The following SMOC2 variants were observed in gnomAD, a reference collection of about 807,000 sequenced individuals.
SMOC2 encodes the protein SPARC related modular calcium binding 2.
A neutral mutation model predicts 61.4 loss-of-function variants in SMOC2; 39 were observed. The observed-to-expected ratio is 0.64, with a 90% CI of 0.49 to 0.83. The LOEUF (loss-of-function observed/expected upper bound fraction) is 0.83, where lower values mean the gene tolerates loss of function less well. Ranked by LOEUF, SMOC2 falls within the 40% of genes least tolerant of loss-of-function variation. The probability of loss-of-function intolerance (pLI) is 0.00; values close to 1 mark genes in which losing one functional copy is unlikely to be tolerated. For missense variants in SMOC2, 556 were observed against 592.9 expected (o/e 0.94, Z 0.65); for synonymous variants, 247 against 239.9 (o/e 1.03, Z -0.27).
intron 8 of SMOC2, among the ~76,000 whole-genome samples, chr6:168,603,437 C>T (rs1785608309): frequency 6.6e-6 from 1 of 151,986 alleles, no homozygotes; most frequent in Admixed American, 6.6e-5. Context: ...CCCTGGGAAG[C>T]TGCTGGGACA....
intron 8 of SMOC2, among the ~76,000 whole-genome samples, chr6:168,607,013 C>T (rs1562377818): frequency 6.6e-6 from 1 of 152,000 alleles, no homozygotes; most frequent in Non-Finnish European, 1.5e-5. Context: ...TTGGTGTGGG[C>T]TGTCTGGGGT....
chr6:168,554,543 G>A (rs776799461), intron 7 of SMOC2, among the ~76,000 whole-genome samples: 8 of 152,204 alleles, frequency 5.3e-5, no homozygotes, highest in Non-Finnish European at 1.2e-4. Context: ...GGAGGGGCAC[G>A]GAGGCCCCCC....
intron 1 of SMOC2, among the ~76,000 whole-genome samples, chr6:168,449,436 A>G (rs943726668): frequency 3.9e-5 from 6 of 152,192 alleles, no homozygotes; most frequent in African/African-American, 1.4e-4. Context: ...AACAAAGGAA[A>G]TTCCATATGT....
At chr6:168,627,525 A>G (rs1275848816) in intron 9 of SMOC2, among the ~76,000 whole-genome samples, 1 of 152,224 alleles carries the variant, frequency 6.6e-6, no homozygotes, top group Non-Finnish European at 1.5e-5. Flanking sequence ...ACAACTGAGA[A>G]CTACAAAATC....
intron 4 of SMOC2, among the ~76,000 whole-genome samples, chr6:168,528,262 T>TTAA (rs1783501474): frequency 1.1e-5 from 1 of 90,610 alleles, no homozygotes; most frequent in Non-Finnish European, 2.9e-5. Context: ...CTCTTTCCCA[T>TTAA]TAGTGTTTTT....
intron 1 of SMOC2, among the ~76,000 whole-genome samples, chr6:168,509,489 C>CCA (rs1562561889): frequency 6.6e-6 from 1 of 152,136 alleles, no homozygotes; most frequent in African/African-American, 2.4e-5. Context: ...AGATAGTGGA[C>CCA]ATTCCTGATA....
intron 9 of SMOC2, 121 bp downstream of exon 9, chr6:168,608,360 GCCTCCTA>G (rs1785767487): frequency 1.8e-6 from 2 of 1,104,020 alleles, no homozygotes; most frequent in Admixed American, 4.6e-5. Flanking sequence ...TGACTCTGAG[GCCTCCTA>G]CCTCCTTGCA....
chr6:168,548,351 CT>C lies in SMOC2; in HGVS notation c.563-760del, dbSNP rs758386557. On this transcript the variant is annotated intron_variant, in intron 6 of 12. Transcript: ENST00000356284. ...ACTAACGGTGACCTGCACTACATTC[CT>C]TTTTTTTTTTTTTTTTTGTGAGACA... Among the ~76,000 whole-genome samples the C allele has an allele frequency of 2.5e-3, 319 of 127,156 alleles. 2 individuals are homozygous for C. The highest frequency in any genetic ancestry group is 4.4e-3 in the Admixed American group (55 of 12,506). The allele number at this position is 127,156 out of a possible 152,430, so 83.4% of individuals were successfully genotyped here.
chr6:168,666,201 T>C (rs901640931), intron 12 of SMOC2, among the ~76,000 whole-genome samples: 2 of 152,166 alleles, frequency 1.3e-5, no homozygotes, highest in Non-Finnish European at 2.9e-5. Flanking sequence ...TTTGAAACGA[T>C]ATATTTTTCC....
chr6:168,588,638 G>A lies in SMOC2; in HGVS notation c.638-10180G>A, dbSNP rs189868024. Among the ~76,000 whole-genome samples the A allele has an allele frequency of 1.4e-4, 21 of 152,308 alleles. No homozygotes were observed. The East Asian group carries it at 1.9e-3, about 14-fold the overall frequency. ...AGCATTTACATTACAGGATTGAAGC[G>A]GAGTGGCCAGGTTGGGGCTGAACTG... On this transcript the variant is annotated intron_variant, in intron 7 of 12. Coordinates refer to ENST00000356284, the MANE Select transcript of SMOC2 (RefSeq NM_001166412.2).
chr6:168,625,852 A>G (rs1430224739), intron 9 of SMOC2, among the ~76,000 whole-genome samples: 2 of 152,238 alleles, frequency 1.3e-5, no homozygotes, highest in African/African-American at 4.8e-5. Context: ...CAGATTAAAC[A>G]GACCAGCTCT....
chr6:168,598,143 GAA>G (rs1785376639), intron 7 of SMOC2, among the ~76,000 whole-genome samples: 1 of 152,208 alleles, frequency 6.6e-6, no homozygotes, highest in Non-Finnish European at 1.5e-5. Context: ...GCTTGTTTTG[GAA>G]AGAGTGCAGT....
intron 9 of SMOC2, among the ~76,000 whole-genome samples, chr6:168,638,107 C>T (rs1402748264): frequency 5.3e-5 from 8 of 152,092 alleles, no homozygotes; most frequent in African/African-American, 1.9e-4. Flanking sequence ...GAAGCATTTC[C>T]TCTCCCTGCA....
At position 168,653,172 on chromosome 6, in the gene SMOC2, T is replaced by C. The variant is rs1334683703; in HGVS notation, c.1229T>C (p.Met410Thr). 6.2e-7 allele frequency: 1 copy of C among 1,614,038 alleles called. No individual in the cohort carries two copies. The highest frequency in any genetic ancestry group is 1.3e-5 in the African/African-American group (1 of 74,918). The change falls in exon 11 of 13, where the codon ATG becomes ACG. Residue 410 changes from methionine (M) to threonine (T), a missense_variant. By Grantham distance (81) the Met-to-Thr change is moderately conservative (BLOSUM62 -1). Transcript: ENST00000356284. ...AAATCCATCTCCGTACAAGAACTGA[T>C]GGGCTGCCTGGGCGTGGCGAAAGAG... ...NDKSISVQEL[M>T]GCLGVAKEDG... is the part of the protein sequence containing the mutation.
intron 9 of SMOC2, among the ~76,000 whole-genome samples, chr6:168,624,951 G>GCACTCACACAGACACATGCACAC (rs1168568962): frequency 4.0e-5 from 6 of 151,372 alleles, no homozygotes; most frequent in African/African-American, 1.5e-4. Context: ...ACAAACACAT[G>GCACTCACACAGACACATGCACAC]CACTCACACA....
At chr6:168,612,125 C>T (rs182519450) in intron 9 of SMOC2, among the ~76,000 whole-genome samples, 172 of 152,340 alleles carry the variant, frequency 1.1e-3, no homozygotes, top group African/African-American at 4.0e-3. Context: ...TCTAGGGCCC[C>T]GCAGCACTGG....
chr6:168,537,693 CGA>C (rs1379687515), intron 4 of SMOC2, among the ~76,000 whole-genome samples: 1 of 152,088 alleles, frequency 6.6e-6, no homozygotes, highest in Non-Finnish European at 1.5e-5. Flanking sequence ...GCCCTGGGGC[CGA>C]GAGACATATG....
intron 1 of SMOC2, among the ~76,000 whole-genome samples, chr6:168,486,420 A>G (rs1782339656): frequency 6.6e-6 from 1 of 152,122 alleles, no homozygotes; most frequent in South Asian, 2.1e-4. Context: ...CCCTTGTGCA[A>G]TTGAACTCAA....
chr6:168,559,792 C>T (rs970896005), intron 7 of SMOC2, among the ~76,000 whole-genome samples: 1 of 152,078 alleles, frequency 6.6e-6, no homozygotes, highest in Non-Finnish European at 1.5e-5. Context: ...TTTTACCAGC[C>T]CCCCTAATAT....
Sources: gnomAD v4.1 joint callset for allele counts (sites outside exome capture counted in the v4.1 genomes callset) on GRCh38, gnomAD v4.1.1 for gene constraint, MANE v1.5 for transcripts, NCBI Gene and HGNC (gene_info 2026-07-23, HGNC 2026-07-21) for gene names.